GHR: variants seen among roughly 807,000 people sequenced by gnomAD.
GHR encodes growth hormone receptor, also known as GH receptor.
A neutral mutation model predicts 67.1 loss-of-function variants in GHR; 35 were observed. That is an observed-to-expected ratio of 0.52 (90% CI 0.40 to 0.69). The LOEUF (loss-of-function observed/expected upper bound fraction) is 0.69. Among genes scored for constraint, GHR ranks in the 30% least tolerant of loss-of-function variants. The pLI is 0.00. For missense variants in GHR, 792 were observed against 764.6 expected (o/e 1.04, Z -0.42); for synonymous variants, 272 against 269.1 (o/e 1.01, Z -0.10).
chr5:42,592,520 A>C (rs1300044967), intron 2 of GHR, among the ~76,000 whole-genome samples: 1 of 152,212 alleles, frequency 6.6e-6, no homozygotes, highest in African/African-American at 2.4e-5. Context: ...CGCAGTGTTT[A>C]GTTTTCTGTT....
intron 2 of GHR, among the ~76,000 whole-genome samples, chr5:42,611,443 C>T (rs180858357): frequency 6.6e-6 from 1 of 152,286 alleles, no homozygotes; most frequent in South Asian, 2.1e-4. Context: ...CCACCACTAT[C>T]TCTTTGTTCA....
intron 1 of GHR, among the ~76,000 whole-genome samples, chr5:42,536,375 G>C (rs530379988): frequency 3.4e-4 from 52 of 152,126 alleles, no homozygotes; most frequent in African/African-American, 1.2e-3. Context: ...AATCTGAAAG[G>C]GATGCTGGAT....
chr5:42,491,493 G>T (rs1308190650), intron 1 of GHR, among the ~76,000 whole-genome samples: 1 of 152,150 alleles, frequency 6.6e-6, no homozygotes, highest in African/African-American at 2.4e-5. Flanking sequence ...TTAAATTTCT[G>T]AGACTCAGTT....
intron 1 of GHR, among the ~76,000 whole-genome samples, chr5:42,470,970 A>G (rs1384635987): frequency 6.6e-6 from 1 of 152,084 alleles, no homozygotes; most frequent in Non-Finnish European, 1.5e-5. Context: ...AAAAATTTTC[A>G]TTATACTGGA....
At chr5:42,505,104 T>A (rs924277353) in intron 1 of GHR, among the ~76,000 whole-genome samples, 1 of 150,680 alleles carries the variant, frequency 6.6e-6, no homozygotes, top group African/African-American at 2.4e-5. Flanking sequence ...TAAACATGCA[T>A]GTTGGGAGCT....
At chr5:42,580,229 C>T (rs1244541442) in intron 2 of GHR, among the ~76,000 whole-genome samples, 1 of 152,076 alleles carries the variant, frequency 6.6e-6, no homozygotes, top group African/African-American at 2.4e-5. Context: ...ATTAACACAG[C>T]AAATACTTAT....
At chr5:42,597,349 A>T (rs921419612) in intron 2 of GHR, among the ~76,000 whole-genome samples, 1 of 152,184 alleles carries the variant, frequency 6.6e-6, no homozygotes, top group African/African-American at 2.4e-5. Context: ...ATTTGTTTTT[A>T]ATATAATTTA....
chr5:42,664,265 A>G (rs1580156220), intron 3 of GHR, among the ~76,000 whole-genome samples: 1 of 152,200 alleles, frequency 6.6e-6, no homozygotes, highest in East Asian at 1.9e-4. Flanking sequence ...TATGGAACCA[A>G]AAAAGAGCCT....
At chr5:42,592,360 C>A (rs931766683) in intron 2 of GHR, among the ~76,000 whole-genome samples, 5 of 152,148 alleles carry the variant, frequency 3.3e-5, no homozygotes, top group African/African-American at 1.2e-4. Flanking sequence ...GATTTCATCA[C>A]CCAGGTAATA....
intron 1 of GHR, among the ~76,000 whole-genome samples, chr5:42,447,495 A>G (rs1579714603): frequency 6.6e-6 from 1 of 152,064 alleles, no homozygotes; most frequent in Non-Finnish European, 1.5e-5. Context: ...CATGGTATAT[A>G]TATATCACAT....
intron 8 of GHR, chr5:42,714,276 A>G (rs963046906): frequency 2.0e-5 from 3 of 151,892 alleles, no homozygotes; most frequent in African/African-American, 7.3e-5. Context: ...GGTGACTAAC[A>G]CTCCCAGGTT....
At chr5:42,677,689 G>A (rs1396732144) in intron 3 of GHR, among the ~76,000 whole-genome samples, 2 of 152,070 alleles carry the variant, frequency 1.3e-5, no homozygotes, top group Non-Finnish European at 2.9e-5. Context: ...AGACAAACTC[G>A]TAAACCTTCT....
chr5:42,532,348 TGATAGATAGATA>T (rs35216564), intron 1 of GHR, among the ~76,000 whole-genome samples: 3 of 151,210 alleles, frequency 2.0e-5, no homozygotes, highest in East Asian at 1.9e-4. Flanking sequence ...TTGATATAGA[TGATAGATAGATA>T]GATAGATAGA....
At chr5:42,614,507 G>A (rs1753042568) in intron 2 of GHR, among the ~76,000 whole-genome samples, 1 of 147,748 alleles carries the variant, frequency 6.8e-6, no homozygotes, top group Admixed American at 6.8e-5. Flanking sequence ...TGATGCTGCT[G>A]GCCCACAGAC....
At position 42,662,351 on chromosome 5, in the gene GHR, C is replaced by G. The variant is rs576922657; in HGVS notation, c.137-26539C>G. ...CTATTCCAAAATTGACCACGTGGTT[C>G]GAAGCAAAGCTCTCCTCAGCAAATG... On this transcript the variant is annotated intron_variant, in intron 3 of 9. Coordinates refer to ENST00000230882, the MANE Select transcript of GHR (RefSeq NM_000163.5). 3.9e-5 allele frequency among the ~76,000 whole-genome samples: 6 copies of G among 151,986 alleles called. No homozygotes were observed. In the East Asian group the frequency reaches 7.7e-4, roughly 20 times the overall value.
intron 5 of GHR, among the ~76,000 whole-genome samples, chr5:42,697,337 G>A (rs1757722815): frequency 6.6e-6 from 1 of 152,182 alleles, no homozygotes; most frequent in South Asian, 2.1e-4. Flanking sequence ...TCCATGCTGG[G>A]GATAGAAACT....
intron 2 of GHR, among the ~76,000 whole-genome samples, chr5:42,622,375 A>G (rs140478127): frequency 1.3e-5 from 2 of 152,342 alleles, no homozygotes; most frequent in East Asian, 3.9e-4. Flanking sequence ...AGAGCCCTGC[A>G]GAGGATATGG....
chr5:42,664,491 G>A (rs1755843298), intron 3 of GHR, among the ~76,000 whole-genome samples: 1 of 152,192 alleles, frequency 6.6e-6, no homozygotes, highest in Non-Finnish European at 1.5e-5. Context: ...CAAGCAATGG[G>A]AAAAGGATTC....
chr5:42,524,666 C>T (rs1429203523), intron 1 of GHR, among the ~76,000 whole-genome samples: 2 of 152,168 alleles, frequency 1.3e-5, no homozygotes, highest in Non-Finnish European at 2.9e-5. Flanking sequence ...CAGGCCATGT[C>T]GGAGACCTTC....
Sources: gnomAD v4.1 joint callset for allele counts (sites outside exome capture counted in the v4.1 genomes callset) on GRCh38, gnomAD v4.1.1 for gene constraint, MANE v1.5 for transcripts, NCBI Gene and HGNC (gene_info 2026-07-23, HGNC 2026-07-21) for gene names.